Variants in ZKSCAN2 observed in about 807,000 individuals in gnomAD.
The protein encoded by ZKSCAN2 is zinc finger with KRAB and SCAN domains 2.
Under a neutral mutation model 90.5 loss-of-function variants are expected in ZKSCAN2, and 38 were observed. That is an observed-to-expected ratio of 0.42 (90% CI 0.32 to 0.55). ZKSCAN2 has a LOEUF of 0.55. ZKSCAN2 is among the 20% of genes least tolerant of loss of function. The probability of loss-of-function intolerance (pLI) is 0.11; values close to 1 mark genes in which losing one functional copy is unlikely to be tolerated. For missense variants in ZKSCAN2, 1,167 were observed against 1,202.6 expected (o/e 0.97, Z 0.44); for synonymous variants, 429 against 421.6 (o/e 1.02, Z -0.22).
At chr16:25,242,446 G>A (rs1014154457) in intron 6 of ZKSCAN2, among the ~76,000 whole-genome samples, 2 of 152,188 alleles carry the variant, frequency 1.3e-5, no homozygotes, top group Admixed American at 6.5e-5. Flanking sequence ...ATATTCAACT[G>A]ATTGCCGAGG....
chr16:25,247,881 G>A (rs1345239382), intron 4 of ZKSCAN2, among the ~76,000 whole-genome samples: 1 of 152,138 alleles, frequency 6.6e-6, no homozygotes, highest in Non-Finnish European at 1.5e-5. Flanking sequence ...AAAACAGTAT[G>A]GTACTGGTAT....
In ZKSCAN2 at chr16:25,240,727, C is replaced by T. The variant is rs373353040; in HGVS notation, c.1993G>A (p.Gly665Arg). The T allele has an allele frequency of 9.6e-5, 154 of 1,598,966 alleles. No homozygotes were observed. The highest frequency in any genetic ancestry group is 1.7e-4 in the South Asian group (15 of 89,628). ...LLQSPNDFEI[G>R]SSIKEDPTQI... ...GTTGGATCCTCCTTGATGCTACTTC[C>T]GATTTCAAAATCTGAAAAAATGAAA... Residue 665 changes from glycine (G) to arginine (R), a missense_variant, in exon 7 of 7, where the codon GGA becomes AGA. By Grantham distance (125) the Gly-to-Arg change is moderately radical (BLOSUM62 -2). Coordinates refer to ENST00000328086, the MANE Select transcript of ZKSCAN2 (RefSeq NM_001012981.5).
Position 25,251,993 on chromosome 16 carries a change from T to C in ZKSCAN2, c.721A>G (p.Arg241Gly). 1 of 1,614,224 alleles carries C rather than the reference T, an allele frequency of 6.2e-7. No individual in the cohort carries two copies. Among genetic ancestry groups the C allele is most frequent in the Non-Finnish European group, 8.5e-7 (1 of 1,180,026 alleles). Reference sequence around the variant, plus strand: ...GCAGGAATCTGATGCACACTCTTTCTGTAGGAAAAGCCTCTGGCCACGTGG... The same window carrying C: ...GCAGGAATCTGATGCACACTCTTTCCGTAGGAAAAGCCTCTGGCCACGTGG... ...DVHVARGFSY[R>G]KSVHQIPAQR... is the part of the protein sequence containing the mutation. Residue 241 changes from arginine (R) to glycine (G), a missense_variant, in exon 4 of 7, where the codon AGA becomes GGA. Coordinates refer to ENST00000328086, the MANE Select transcript of ZKSCAN2 (RefSeq NM_001012981.5).
Position 25,244,001 on chromosome 16 carries a change from C to G in ZKSCAN2, c.1765G>C (p.Ala589Pro). ...TCCTCTGGGGTGCTGGGGGAAGGAG[C>G]AGATGCCCGAGAGTTAATCAGGGCA... is the stretch of plus-strand genomic sequence containing the variant. ...MDALINSRAS[A>P]PSPSTPEEVP... is the part of the protein sequence containing the mutation. The change falls in exon 6 of 7, where the codon GCT (alanine) becomes CCT (proline). Residue 589 changes from alanine (A) to proline (P), a missense_variant. By Grantham distance (27) the Ala-to-Pro change is conservative. Transcript: ENST00000328086. The G allele has an allele frequency of 1.9e-6, 3 of 1,614,162 alleles. No individual in the cohort carries two copies. The highest frequency in any genetic ancestry group is 2.5e-6 in the Non-Finnish European group (3 of 1,180,018).
intron 6 of ZKSCAN2, among the ~76,000 whole-genome samples, chr16:25,243,251 CA>C (rs1962880934): frequency 6.6e-6 from 1 of 152,216 alleles, no homozygotes; most frequent in Non-Finnish European, 1.5e-5. Flanking sequence ...CCCATACCAA[CA>C]AAAACCAAGG....
intron 4 of ZKSCAN2, 45 bp downstream of exon 4, chr16:25,251,864 T>TA (rs753556096): frequency 1.1e-5 from 18 of 1,604,140 alleles, no homozygotes. Flanking sequence ...ATGAATACAT[T>TA]AGAAAGCTCC....
At chr16:25,248,104 T>C (rs1962963695) in intron 4 of ZKSCAN2, among the ~76,000 whole-genome samples, 1 of 152,006 alleles carries the variant, frequency 6.6e-6, no homozygotes, top group Non-Finnish European at 1.5e-5. Context: ...GAACTCAAAA[T>C]GGATTAAGCC....
In ZKSCAN2 at chr16:25,246,973, C is replaced by G; in HGVS notation, c.1223G>C (p.Arg408Thr). 2 of 1,614,164 alleles carry G rather than the reference C, an allele frequency of 1.2e-6. No individual in the cohort carries two copies. Among genetic ancestry groups the G allele is most frequent in the Non-Finnish European group, 1.7e-6 (2 of 1,180,034 alleles). Residue 408 changes from arginine to threonine, a missense_variant, in exon 5 of 7, where the codon AGA (arginine) becomes ACA (threonine). By Grantham distance (71) the Arg-to-Thr change is moderately conservative. Coordinates refer to ENST00000328086, the MANE Select transcript of ZKSCAN2 (RefSeq NM_001012981.5). ...KSLQKSYRKVRNGHMLEPCAF... is the reference protein window; with the variant it reads ...KSLQKSYRKVTNGHMLEPCAF... ...GCAGGGTTCTAGCATGTGGCCATTT[C>G]TCACCTTTCGATAGCTTTTCTGGAG...
chr16:25,247,277 T>G lies in ZKSCAN2; in HGVS notation c.919A>C (p.Lys307Gln), dbSNP rs779163047. The G allele has an allele frequency of 6.2e-7, 1 of 1,614,198 alleles. No individual in the cohort carries two copies. The highest frequency in any genetic ancestry group is 8.5e-7 in the Non-Finnish European group (1 of 1,180,034). The change falls in exon 5 of 7, where the codon AAG (lysine) becomes CAG (glutamine). Residue 307 changes from lysine to glutamine, a missense_variant. Coordinates refer to ENST00000328086, the MANE Select transcript of ZKSCAN2 (RefSeq NM_001012981.5). ...KRSILRSNYV[K>Q]EKSVHAIQVP... is the part of the protein sequence containing the mutation. ...TGAATAGCATGAACTGACTTTTCCT[T>G]GACGTAGTTGCTTCGTAGGATACTT...
chr16:25,257,395 T>C lies in ZKSCAN2; in HGVS notation c.-268A>G, dbSNP rs2141373888. On this transcript the variant is annotated 5_prime_UTR_variant, in exon 1 of 7. Transcript: ENST00000328086. ...TGTGGTTTTCCAGAGTGCATCCCTC[T>C]TAGTGCAAAGTCGGAAACCGGGAGG... 8.5e-7 allele frequency: 1 copy of C among 1,177,462 alleles called. No homozygotes were observed. The highest frequency in any genetic ancestry group is 1.0e-6 in the Non-Finnish European group (1 of 953,946). 72.9% of individuals were successfully genotyped at this position (1,177,462 alleles called of 1,614,324 possible).
rs537925269 is a variant in ZKSCAN2, at chr16:25,238,890, G to A, written c.*926C>T. On this transcript the variant is annotated 3_prime_UTR_variant, in exon 7 of 7. Coordinates refer to ENST00000328086, the MANE Select transcript of ZKSCAN2 (RefSeq NM_001012981.5). ...AGGTACGAAATATGCCAACATGCCA[G>A]TCATGTTCTAGATAAGAGCCAGAGA... 3.9e-5 allele frequency: 6 copies of A among 152,376 alleles called. No individual in the cohort carries two copies. The highest frequency in any genetic ancestry group is 2.0e-4 in the Admixed American group (3 of 15,300). 9.4% of individuals were successfully genotyped at this position (152,376 alleles called of 1,614,324 possible).
intron 4 of ZKSCAN2, among the ~76,000 whole-genome samples, chr16:25,249,753 T>TGTAAACA (rs1449536457): frequency 3.9e-5 from 6 of 152,180 alleles, no homozygotes; most frequent in Non-Finnish European, 8.8e-5. Flanking sequence ...TTGGTGGGAA[T>TGTAAACA]GTAAACAGGT....
intron 4 of ZKSCAN2, among the ~76,000 whole-genome samples, chr16:25,247,868 A>G (rs1223227752): frequency 6.6e-6 from 1 of 152,210 alleles, no homozygotes; most frequent in Non-Finnish European, 1.5e-5. Flanking sequence ...AGCCACAGTA[A>G]TCAAAACAGT....
In ZKSCAN2 at chr16:25,240,652, A is replaced by G. The variant is rs1179207352; in HGVS notation, c.2068T>C (p.Ser690Pro). ...MEQHRALIEKSKRVVSQSTDP... is the reference protein window; with the variant it reads ...MEQHRALIEKPKRVVSQSTDP... ...GTACTCTGGGAAACAACTCTTTTAG[A>G]CTTTTCTATTAATGCCCTATGCTGT... Residue 690 changes from serine to proline, a missense_variant, in exon 7 of 7, where the codon TCT becomes CCT. Transcript: ENST00000328086. 1 of 1,614,104 alleles carries G rather than the reference A, an allele frequency of 6.2e-7. No individual in the cohort carries two copies. Among genetic ancestry groups the G allele is most frequent in the South Asian group, 1.1e-5 (1 of 91,078 alleles).
chr16:25,248,211 C>T (rs1962965981), intron 4 of ZKSCAN2, among the ~76,000 whole-genome samples: 1 of 129,286 alleles, frequency 7.7e-6, no homozygotes, highest in African/African-American at 2.9e-5. Context: ...TTGGATATGA[C>T]ATCAAAGCAC....
rs546656602 is a variant in ZKSCAN2 at position 25,257,510 on chromosome 16, C to A, written c.-383G>T. 10 of 993,518 alleles carry A rather than the reference C, an allele frequency of 1.0e-5. No homozygotes were observed. The African/African-American group carries it at 1.7e-4, about 17-fold the overall frequency. 61.5% of individuals were successfully genotyped at this position (993,518 alleles called of 1,614,324 possible). A position where few individuals can be genotyped will look rare whatever the true frequency, so the allele number is the denominator to read the frequency against. On this transcript the variant is annotated 5_prime_UTR_variant, in exon 1 of 7. Transcript: ENST00000328086. ...CGGGAGGGGGTGTGTCCGCTACTCC[C>A]GGGTCGGGCGCGGAGAGGCGAGTCC...
intron 3 of ZKSCAN2, 67 bp from the exon 4 acceptor site, chr16:25,252,102 C>G: frequency 1.9e-6 from 3 of 1,576,208 alleles, no homozygotes. Flanking sequence ...TGAGCAATCA[C>G]AGATGAGGCA....
chr16:25,251,617 C>T (rs1963022066), intron 4 of ZKSCAN2, among the ~76,000 whole-genome samples: 1 of 152,148 alleles, frequency 6.6e-6, no homozygotes, highest in South Asian at 2.1e-4. Flanking sequence ...CTCTCTAAGC[C>T]TCAGTTTCCT....
Position 25,252,932 on chromosome 16 carries a change from C to T in ZKSCAN2, c.678+14G>A, listed in dbSNP as rs1963042887. The T allele has an allele frequency of 1.9e-6, 3 of 1,605,776 alleles. No individual in the cohort carries two copies. In the African/African-American group the frequency reaches 4.0e-5, roughly 22 times the overall value. On this transcript the variant is annotated intron_variant, in intron 3 of 6. Transcript: ENST00000328086. ...GACTCCATCTCAAAGAAAAAAAAGACAATTACAATGTACCTGGGACCCAGC... is the reference window on the plus strand; with the variant it reads ...GACTCCATCTCAAAGAAAAAAAAGATAATTACAATGTACCTGGGACCCAGC...
Sources: allele counts gnomAD v4.1 joint callset (sites outside exome capture counted in the v4.1 genomes callset), GRCh38; gene constraint gnomAD v4.1.1; transcripts MANE v1.5; gene names NCBI Gene and HGNC (gene_info 2026-07-23, HGNC 2026-07-21).